The following HNRNPK variants were observed in gnomAD, a reference collection of about 807,000 sequenced individuals.
The protein encoded by HNRNPK is dC-stretch binding protein.
In HNRNPK, 7 loss-of-function variants were observed where a neutral mutation model predicts 67.0. The ratio of observed to expected loss-of-function variants is 0.10; its 90% CI spans 0.06 to 0.20. The LOEUF (loss-of-function observed/expected upper bound fraction) is 0.20. Among genes scored for constraint, HNRNPK ranks in the 10% least tolerant of loss-of-function variants. The pLI, the probability that HNRNPK is intolerant of heterozygous loss-of-function variation, is 1.00. For missense variants in HNRNPK, 264 were observed against 606.5 expected (o/e 0.44, Z 5.93); for synonymous variants, 213 against 193.7 (o/e 1.10, Z -0.83).
At chr9:83,970,399 G>A (rs956238233) in intron 15 of HNRNPK, 68 bp from the exon 16 acceptor site, 31 of 1,214,504 alleles carry the variant, frequency 2.6e-5, no homozygotes, top group South Asian at 2.1e-4. Context: ...TATTTTCAAG[G>A]AGCATGAAGT....
intron 5 of HNRNPK, chr9:83,976,672 C>T (rs1425692834): frequency 1.9e-5 from 4 of 208,358 alleles, no homozygotes; most frequent in Non-Finnish European, 3.8e-5. Context: ...TTGATTCACA[C>T]ACAGGAAATG....
intron 12 of HNRNPK, 140 bp downstream of exon 12, chr9:83,971,532 C>A: frequency 1.2e-6 from 1 of 830,500 alleles, no homozygotes; most frequent in Non-Finnish European, 2.0e-6. Flanking sequence ...CAGCAAATAA[C>A]AGAATTATTT....
chr9:83,971,940 G>A lies in HNRNPK; in HGVS notation c.895C>T (p.Arg299Trp). 1 of 1,594,064 alleles carries A rather than the reference G, an allele frequency of 6.3e-7. No homozygotes were observed. Among genetic ancestry groups the A allele is most frequent in the Non-Finnish European group, 8.6e-7 (1 of 1,166,976 alleles). ...AGATTCCGAGCTCTGCTACCACCCC[G>A]GCCGCCTCGTCCGGGAGGAGGGGGA... ...PPPPPPGRGG[R>W]GGSRARNLPL... Residue 299 changes from arginine to tryptophan, a missense_variant, in exon 11 of 17, where the codon CGG becomes TGG. By Grantham distance (101) the Arg-to-Trp change is moderately radical (BLOSUM62 -3). Around this residue, in one of 6 missense-constraint regions of HNRNPK, gnomAD observed 142 missense variants for 256.5 expected, o/e 0.55. Transcript: ENST00000376263.
chr9:83,970,570 C>T, intron 15 of HNRNPK, 167 bp downstream of exon 15: 2 of 656,016 alleles, frequency 3.0e-6, no homozygotes, highest in Non-Finnish European at 5.3e-6. Flanking sequence ...GCACTGATCA[C>T]TTGACAAGAC....
chr9:83,972,144 C>T lies in HNRNPK; in HGVS notation c.691G>A (p.Asp231Asn). Reference protein sequence around the residue: ...RAQPYDPNFYDETYDYGGFTM... With the variant: ...RAQPYDPNFYNETYDYGGFTM... ...AAACCACCATAATCATAGGTTTCATCGTAAAAATTGGGATCATAAGGCTGT... is the reference window on the plus strand; with the variant it reads ...AAACCACCATAATCATAGGTTTCATTGTAAAAATTGGGATCATAAGGCTGT... The change falls in exon 11 of 17, where the codon GAT becomes AAT. Residue 231 changes from aspartate to asparagine, a missense_variant. Physicochemically the swap from Asp to Asn is conservative, Grantham distance 23. Around this residue, in one of 6 missense-constraint regions of HNRNPK, gnomAD observed 142 missense variants for 256.5 expected, o/e 0.55. Transcript: ENST00000376263. 3.1e-6 allele frequency: 5 copies of T among 1,613,050 alleles called. No homozygotes were observed. The highest frequency in any genetic ancestry group is 4.2e-6 in the Non-Finnish European group (5 of 1,179,478).
At chr9:83,979,761 C>G (rs1160068651) in intron 1 of HNRNPK, among the ~76,000 whole-genome samples, 1 of 151,668 alleles carries the variant, frequency 6.6e-6, no homozygotes, top group Admixed American at 6.6e-5. Flanking sequence ...GCCATCGAGG[C>G]AGCCCTGACC....
intron 4 of HNRNPK, among the ~76,000 whole-genome samples, chr9:83,977,455 G>A (rs1362428771): frequency 2.0e-5 from 3 of 152,138 alleles, no homozygotes. Context: ...AACACTTTAA[G>A]AATCACACTC....
At chr9:83,976,805 C>G (rs971511653) in intron 5 of HNRNPK, 190 bp downstream of exon 5, 25 of 443,674 alleles carry the variant, frequency 5.6e-5, no homozygotes, top group African/African-American at 3.4e-4. Flanking sequence ...AACCACCCCC[C>G]CACCCTGCTC....
Position 83,971,871 on chromosome 9 carries a change from AAAC to A in HNRNPK, c.953+8_953+10del. 1 of 1,555,138 alleles carries A rather than the reference AAAC, an allele frequency of 6.4e-7. No individual in the cohort carries two copies. Among genetic ancestry groups the A allele is most frequent in the Non-Finnish European group, 8.7e-7 (1 of 1,153,158 alleles). ...GAAGAAAAAACAACAACAACAAAAA[AAAC>A]AACTTACCCCCCTCTAGGTGGTGGT... On this transcript the variant is annotated splice_region_variant and intron_variant, in intron 11 of 16. Transcript: ENST00000376263.
chr9:83,969,697 G>GA (rs1342568646), intron 16 of HNRNPK: 4 of 610,108 alleles, frequency 6.6e-6, no homozygotes, highest in Non-Finnish European at 1.2e-5. Flanking sequence ...AAAAGACAAA[G>GA]AATGCTAGTA....
intron 15 of HNRNPK, 146 bp downstream of exon 15, chr9:83,970,591 G>T (rs1588411520): frequency 1.5e-6 from 1 of 685,566 alleles, no homozygotes; most frequent in East Asian, 2.7e-5. Context: ...TCAAACAGCT[G>T]AAAACCCAGC....
intron 12 of HNRNPK, 98 bp downstream of exon 12, chr9:83,971,574 G>T: frequency 1.9e-6 from 2 of 1,043,836 alleles, no homozygotes; most frequent in Non-Finnish European, 2.9e-6. Flanking sequence ...TTACTTGTAA[G>T]AAAAACTTTT....
intron 4 of HNRNPK, 65 bp downstream of exon 4, chr9:83,977,624 A>C (rs1391535702): frequency 2.1e-6 from 2 of 962,380 alleles, no homozygotes; most frequent in Admixed American, 4.3e-5. Context: ...CTAGAAAGCC[A>C]AACCAGACCT....
chr9:83,975,097 G>C (rs993686637), intron 6 of HNRNPK, among the ~76,000 whole-genome samples: 1 of 152,176 alleles, frequency 6.6e-6, no homozygotes, highest in Non-Finnish European at 1.5e-5. Flanking sequence ...AATGAGAAGT[G>C]AAGGAAAGTG....
At position 83,970,251 on chromosome 9, in the gene HNRNPK, A is replaced by G. The variant is rs770148994; in HGVS notation, c.1272T>C (p.Asp424=). Residue 424 remains aspartate, a synonymous_variant, in exon 16 of 17, where the codon GAT becomes GAC. Transcript: ENST00000376263. ...RHESGASIKI[D]EPLEGSEDRI... is the part of the protein sequence containing the mutation. ...GATCTTCGGATCCTTCTAAAGGCTC[A>G]TCAATTTTGATCGAAGCTCCCGACT... 6.2e-6 allele frequency: 10 copies of G among 1,613,650 alleles called. No individual in the cohort carries two copies. Among genetic ancestry groups the G allele is most frequent in the Middle Eastern group, 1.6e-4 (1 of 6,084 alleles).
chr9:83,976,967 T>A (rs1185627836), intron 5 of HNRNPK, 28 bp downstream of exon 5: 2 of 1,400,060 alleles, frequency 1.4e-6, no homozygotes, highest in African/African-American at 2.8e-5. Flanking sequence ...AAGCTGCTCG[T>A]GTAGTAGTTT....
In HNRNPK at chr9:83,973,283, T is replaced by C; in HGVS notation, c.516+3A>G. On this transcript the variant is annotated splice_donor_region_variant and intron_variant, in intron 9 of 16. Coordinates refer to ENST00000376263, the MANE Select transcript of HNRNPK (RefSeq NM_031263.4). Reference sequence around the variant, plus strand: ...GAATACGGCAGAATTTTTTTTTTTTTACCTCTCGAAGTTCTTTGATTTTAG... The same window carrying C: ...GAATACGGCAGAATTTTTTTTTTTTCACCTCTCGAAGTTCTTTGATTTTAG... 1 of 1,499,126 alleles carries C rather than the reference T, an allele frequency of 6.7e-7. No individual in the cohort carries two copies. The highest frequency in any genetic ancestry group is 2.3e-5 in the East Asian group (1 of 44,268). The allele number at this position is 1,499,126 out of a possible 1,614,324, so 92.9% of individuals were successfully genotyped here. A position where few individuals can be genotyped will look rare whatever the true frequency, so the allele number is the denominator to read the frequency against.
intron 14 of HNRNPK, 34 bp from the exon 15 acceptor site, chr9:83,970,853 A>G (rs2133020439): frequency 1.2e-6 from 2 of 1,608,198 alleles, no homozygotes; most frequent in African/African-American, 1.3e-5. Context: ...GTTCATTTAA[A>G]AAGTATGAAA....
chr9:83,971,463 T>C (rs945751342), intron 12 of HNRNPK, 107 bp from the exon 13 acceptor site: 36 of 849,926 alleles, frequency 4.2e-5, no homozygotes, highest in Admixed American at 3.4e-4. Flanking sequence ...AGGGTACATA[T>C]ATAGGCAGCA....
Sources: allele counts gnomAD v4.1 joint callset (sites outside exome capture counted in the v4.1 genomes callset), GRCh38; gene constraint gnomAD v4.1.1; regional missense constraint gnomAD v4.1.1; transcripts MANE v1.5; gene names NCBI Gene and HGNC (gene_info 2026-07-23, HGNC 2026-07-21).